The following ORAI2 variants were observed in gnomAD, a reference collection of about 807,000 sequenced individuals.
The protein encoded by ORAI2 is ORAI calcium release-activated calcium modulator 2.
A neutral mutation model predicts 16.2 loss-of-function variants in ORAI2; 10 were observed. The observed-to-expected ratio is 0.62, with a 90% CI of 0.38 to 1.04. The LOEUF (loss-of-function observed/expected upper bound fraction) is 1.04. ORAI2 is among the 50% of genes least tolerant of loss of function. The probability of loss-of-function intolerance (pLI) is 0.01; values close to 1 mark genes in which losing one functional copy is unlikely to be tolerated. For missense variants in ORAI2, 238 were observed against 355.5 expected (o/e 0.67, Z 2.66); for synonymous variants, 150 against 157.5 (o/e 0.95, Z 0.35).
Position 102,448,711 on chromosome 7 carries a change from C to A in ORAI2, c.*1659C>A, listed in dbSNP as rs13247705. ...CAGCCTGGGCGACAGAGCCAGACTCCATCTCAAAAAAAAAAAAAAAATTAG... is the reference window on the plus strand; with the variant it reads ...CAGCCTGGGCGACAGAGCCAGACTCAATCTCAAAAAAAAAAAAAAAATTAG... On this transcript the variant is annotated 3_prime_UTR_variant, in exon 4 of 4. Coordinates refer to ENST00000495936, the MANE Select transcript of ORAI2 (RefSeq NM_001126340.3). 79,914 of 138,206 alleles carry A rather than the reference C, an allele frequency of 0.58. 23,327 individuals carry two copies. The highest frequency in any genetic ancestry group is 0.75 in the Middle Eastern group (214 of 286). The allele number at this position is 138,206 out of a possible 1,614,324, so 8.6% of individuals were successfully genotyped here.
intron 3 of ORAI2, among the ~76,000 whole-genome samples, chr7:102,440,007 G>A (rs1797153722): frequency 6.6e-6 from 1 of 152,116 alleles, no homozygotes; most frequent in Admixed American, 6.6e-5. Flanking sequence ...GCTTGAACCT[G>A]GGAGGCCGGA....
chr7:102,435,075 G>C (rs1333777210), intron 1 of ORAI2, among the ~76,000 whole-genome samples: 6 of 152,110 alleles, frequency 3.9e-5, no homozygotes, highest in African/African-American at 1.4e-4. Flanking sequence ...TTCTAGACCA[G>C]CCTGGCCAAC....
At chr7:102,442,185 G>A (rs1258592572) in intron 3 of ORAI2, among the ~76,000 whole-genome samples, 1 of 152,144 alleles carries the variant, frequency 6.6e-6, no homozygotes, top group East Asian at 1.9e-4. Flanking sequence ...GGAGGCTGAG[G>A]TGGGCGGATC....
rs1797623875 is a variant in ORAI2, at chr7:102,455,517, T to G, written c.*8465T>G. On this transcript the variant is annotated 3_prime_UTR_variant, in exon 4 of 4. Coordinates refer to ENST00000495936, the MANE Select transcript of ORAI2 (RefSeq NM_001126340.3). ...GCATCCCCAAGCCTCACGAGGCCTCTCCCCTCCAAGTCTCTATGTGCATCG... is the reference window on the plus strand; with the variant it reads ...GCATCCCCAAGCCTCACGAGGCCTCGCCCCTCCAAGTCTCTATGTGCATCG... 4 of 152,378 alleles carry G rather than the reference T, an allele frequency of 2.6e-5. No homozygotes were observed. In the East Asian group the frequency reaches 7.7e-4, roughly 29 times the overall value. 9.4% of individuals were successfully genotyped at this position (152,378 alleles called of 1,614,324 possible).
Position 102,449,227 on chromosome 7 carries a change from A to G in ORAI2, c.*2175A>G, listed in dbSNP as rs969419661. Reference sequence around the variant, plus strand: ...ATGTATGTACTTTCCTGCAGCCTGTAGAAACGCCTCTTACGGTTTAATATG... The same window carrying G: ...ATGTATGTACTTTCCTGCAGCCTGTGGAAACGCCTCTTACGGTTTAATATG... On this transcript the variant is annotated 3_prime_UTR_variant, in exon 4 of 4. Transcript: ENST00000495936. 3.9e-5 allele frequency: 6 copies of G among 152,214 alleles called. No homozygotes were observed. The highest frequency in any genetic ancestry group is 1.4e-4 in the African/African-American group (6 of 41,448). The allele number at this position is 152,214 out of a possible 1,614,324, so 9.4% of individuals were successfully genotyped here. A position where few individuals can be genotyped will look rare whatever the true frequency, so the allele number is the denominator to read the frequency against.
At chr7:102,439,602 A>T (rs756631066) in intron 3 of ORAI2, among the ~76,000 whole-genome samples, 1 of 150,554 alleles carries the variant, frequency 6.6e-6, no homozygotes. Context: ...CTTTACAAAA[A>T]TAAAATAAAT....
intron 2 of ORAI2, among the ~76,000 whole-genome samples, chr7:102,437,192 C>T (rs1463519957): frequency 6.6e-6 from 1 of 152,188 alleles, no homozygotes; most frequent in African/African-American, 2.4e-5. Context: ...TTCTGTTTCT[C>T]CTTAAAATGT....
chr7:102,439,793 A>G (rs562419708), intron 3 of ORAI2, among the ~76,000 whole-genome samples: 6 of 151,168 alleles, frequency 4.0e-5, no homozygotes, highest in Non-Finnish European at 5.9e-5. Context: ...TTATTTATTT[A>G]TTTTGGCCAG....
chr7:102,443,035 A>T (rs1259174987), intron 3 of ORAI2, among the ~76,000 whole-genome samples: 1 of 151,544 alleles, frequency 6.6e-6, no homozygotes, highest in Non-Finnish European at 1.5e-5. Flanking sequence ...AAAAAAAAAA[A>T]TTAATTTAAA....
Position 102,446,498 on chromosome 7 carries a change from C to T in ORAI2, c.226-15C>T. ...CCTCTCCACACCCAGCACCACTCGT[C>T]TGCTGTCCCCGCAGGTGGCCATGGT... On this transcript the variant is annotated splice_polypyrimidine_tract_variant and intron_variant, in intron 3 of 3. Coordinates refer to ENST00000495936, the MANE Select transcript of ORAI2 (RefSeq NM_001126340.3). 1 of 1,597,218 alleles carries T rather than the reference C, an allele frequency of 6.3e-7. No homozygotes were observed. The highest frequency in any genetic ancestry group is 1.7e-5 in the Admixed American group (1 of 59,434).
chr7:102,434,273 T>A (rs987189314), intron 1 of ORAI2, among the ~76,000 whole-genome samples: 1 of 150,346 alleles, frequency 6.7e-6, no homozygotes, highest in African/African-American at 2.5e-5. Context: ...ACTCTGTCCC[T>A]CCCCCTGGGC....
At chr7:102,444,656 A>AGGC (rs1383346043) in intron 3 of ORAI2, among the ~76,000 whole-genome samples, 1 of 132,400 alleles carries the variant, frequency 7.6e-6, no homozygotes, top group African/African-American at 2.7e-5. Flanking sequence ...AACCTTCCCC[A>AGGC]GGCTTCTTCT....
chr7:102,445,897 CTT>C (rs1014202389), intron 3 of ORAI2, among the ~76,000 whole-genome samples: 44 of 110,912 alleles, frequency 4.0e-4, no homozygotes, highest in Middle Eastern at 3.7e-3. Flanking sequence ...TTCTTTCTCT[CTT>C]TCTCTTTCTC....
At chr7:102,440,542 T>C (rs1797170357) in intron 3 of ORAI2, among the ~76,000 whole-genome samples, 2 of 151,984 alleles carry the variant, frequency 1.3e-5, no homozygotes, top group South Asian at 4.1e-4. Context: ...GTTTTTTGTT[T>C]TGTTTTTAGA....
intron 2 of ORAI2, among the ~76,000 whole-genome samples, chr7:102,438,315 C>T (rs909780508): frequency 8.0e-5 from 12 of 150,380 alleles, no homozygotes; most frequent in Non-Finnish European, 1.3e-4. Context: ...CTGGGCAACT[C>T]GGCGAGACTG....
intron 2 of ORAI2, among the ~76,000 whole-genome samples, chr7:102,437,721 G>T (rs111970338): frequency 0.011 from 1,637 of 152,326 alleles, 25 homozygotes; most frequent in African/African-American, 0.037. Flanking sequence ...GTTGGAAGAA[G>T]TCTTTCGTCT....
Position 102,447,214 on chromosome 7 carries a change from A to G in ORAI2, c.*162A>G, listed in dbSNP as rs1797395494. ...ACTGGATGACTTCTCCTGAGATAGA[A>G]CCGTTTGGTTCAATGAGGGACTGTG... On this transcript the variant is annotated 3_prime_UTR_variant, in exon 4 of 4. Transcript: ENST00000495936. 1.2e-6 allele frequency: 1 copy of G among 825,328 alleles called. No homozygotes were observed. Among genetic ancestry groups the G allele is most frequent in the Admixed American group, 3.0e-5 (1 of 33,558 alleles). The allele number at this position is 825,328 out of a possible 1,614,324, so 51.1% of individuals were successfully genotyped here. A position where few individuals can be genotyped will look rare whatever the true frequency, so the allele number is the denominator to read the frequency against.
At chr7:102,442,010 A>G (rs984526221) in intron 3 of ORAI2, among the ~76,000 whole-genome samples, 1 of 152,030 alleles carries the variant, frequency 6.6e-6, no homozygotes, top group East Asian at 1.9e-4. Flanking sequence ...TAGAATTGCA[A>G]AGCTGTTCCT....
At chr7:102,438,805 G>A in intron 2 of ORAI2, 139 bp from the exon 3 acceptor site, 2 of 727,974 alleles carry the variant, frequency 2.7e-6, no homozygotes, top group Admixed American at 4.6e-5. Flanking sequence ...ATAACTTTAG[G>A]TCCTGGGCAC....
Sources: allele counts gnomAD v4.1 joint callset (sites outside exome capture counted in the v4.1 genomes callset), GRCh38; gene constraint gnomAD v4.1.1; transcripts MANE v1.5; gene names NCBI Gene and HGNC (gene_info 2026-07-23, HGNC 2026-07-21).